Variants in BCAT2 observed in about 807,000 individuals in gnomAD.
BCAT2 encodes the protein branched chain amino acid transaminase 2.
In BCAT2, 44 loss-of-function variants were observed where a neutral mutation model predicts 52.9. The observed-to-expected ratio is 0.83, with a 90% CI of 0.65 to 1.07. The LOEUF is 1.07. BCAT2 is among the 50% of genes least tolerant of loss of function. The probability of loss-of-function intolerance (pLI) is 0.00; values close to 1 mark genes in which losing one functional copy is unlikely to be tolerated. For missense variants in BCAT2, 478 were observed against 521.8 expected (o/e 0.92, Z 0.82); for synonymous variants, 215 against 217.1 (o/e 0.99, Z 0.08).
chr19:48,796,860 T>C, intron 8 of BCAT2, 77 bp downstream of exon 8: 1 of 1,597,542 alleles, frequency 6.3e-7, no homozygotes, highest in East Asian at 2.2e-5. Flanking sequence ...GACATGCCAG[T>C]GTGCCCCAGT....
intron 3 of BCAT2, among the ~76,000 whole-genome samples, chr19:48,803,941 C>G (rs994720140): frequency 5.9e-5 from 9 of 152,164 alleles, no homozygotes; most frequent in African/African-American, 1.7e-4. Flanking sequence ...GGTGGATCAT[C>G]TGAGGTCGGG....
Position 48,806,999 on chromosome 19 carries a change from C to T in BCAT2, c.99+1G>A. ...CCAAGCATCGAGTTCCCTCCTTTCA[C>T]CTTGAAACTGGAGGAGGCATATCTT... is the stretch of plus-strand genomic sequence containing the variant. On this transcript the variant is annotated splice_donor_variant, in intron 2 of 10. Transcript: ENST00000316273. LOFTEE classifies it high-confidence loss of function. 6.2e-7 allele frequency: 1 copy of T among 1,613,774 alleles called. No individual in the cohort carries two copies. Among genetic ancestry groups the T allele is most frequent in the Non-Finnish European group, 8.5e-7 (1 of 1,179,716 alleles).
chr19:48,806,456 G>C, intron 3 of BCAT2, 61 bp downstream of exon 3: 1 of 1,585,162 alleles, frequency 6.3e-7, no homozygotes, highest in Middle Eastern at 2.1e-4. Flanking sequence ...CCTGGCAAGA[G>C]ACACAGCAAG....
At chr19:48,798,011 G>A (rs1487250820) in intron 6 of BCAT2, among the ~76,000 whole-genome samples, 1 of 151,632 alleles carries the variant, frequency 6.6e-6, no homozygotes, top group African/African-American at 2.4e-5. Flanking sequence ...ATATTTATAT[G>A]CCCGCCTCAG....
chr19:48,806,814 G>T, intron 2 of BCAT2, 97 bp from the exon 3 acceptor site: 1 of 1,478,550 alleles, frequency 6.8e-7, no homozygotes, highest in East Asian at 2.3e-5. Context: ...CCATAGAGAA[G>T]AAGGACCTGT....
intron 10 of BCAT2, 106 bp from the exon 11 acceptor site, chr19:48,795,570 T>C: frequency 1.5e-6 from 2 of 1,333,026 alleles, no homozygotes; most frequent in East Asian, 5.0e-5. Flanking sequence ...CCCCAGCGGC[T>C]CACGGGAAAT....
chr19:48,809,183 T>C (rs1187895747), intron 1 of BCAT2, among the ~76,000 whole-genome samples: 4 of 149,830 alleles, frequency 2.7e-5, no homozygotes, highest in Non-Finnish European at 4.4e-5. Flanking sequence ...CCACAGTCAC[T>C]TGAACCCATG....
intron 1 of BCAT2, chr19:48,810,692 C>A: frequency 1.0e-6 from 1 of 988,540 alleles, no homozygotes; most frequent in Non-Finnish European, 1.3e-6. Context: ...ACAACCTCCC[C>A]ACCCCCACGC....
Position 48,810,984 on chromosome 19 carries a change from C to G in BCAT2, c.24G>C (p.Gln8His). 6.2e-7 allele frequency: 1 copy of G among 1,608,652 alleles called. No homozygotes were observed. The highest frequency in any genetic ancestry group is 8.5e-7 in the Non-Finnish European group (1 of 1,178,290). Reference sequence around the variant, plus strand: ...CCCCGGCGCGGGGCTGCGAACCCACCTGCCCCAGAGCGGCTGCGGCCATGA... The same window carrying G: ...CCCCGGCGCGGGGCTGCGAACCCACGTGCCCCAGAGCGGCTGCGGCCATGA... MAAAALG[Q>H]IWARKLLSVP... The change falls in exon 1 of 11, where the codon CAG (glutamine) becomes CAC (histidine). Residue 8 changes from glutamine to histidine, a missense_variant and splice_region_variant. Coordinates refer to ENST00000316273, the MANE Select transcript of BCAT2 (RefSeq NM_001190.4).
rs2034530988 is a variant in BCAT2, at chr19:48,796,717, C to T, written c.926G>A (p.Gly309Asp). The T allele has an allele frequency of 1.9e-6, 3 of 1,609,984 alleles. No homozygotes were observed. The highest frequency in any genetic ancestry group is 2.5e-6 in the Non-Finnish European group (3 of 1,178,582). ...CGTGCGCTCCACCACCCGGAACTCA[C>T]CCTGCAGGGCAGTTGGCAGAGACAC... ...QSLLDMAQTW[G>D]EFRVVERTIT... Residue 309 changes from glycine to aspartate, a missense_variant and splice_region_variant, in exon 9 of 11, where the codon GGT becomes GAT. Gly to Asp is a moderately conservative substitution (Grantham distance 94). Transcript: ENST00000316273.
In BCAT2 at chr19:48,796,969, T is replaced by G. The variant is rs2034537646; in HGVS notation, c.892A>C (p.Arg298=). 15 of 1,614,192 alleles carry G rather than the reference T, an allele frequency of 9.3e-6. No homozygotes were observed. Among genetic ancestry groups the G allele is most frequent in the Non-Finnish European group, 1.3e-5 (15 of 1,180,028 alleles). ...LNGVILPGVV[R]QSLLDMAQTW... is the part of the protein sequence containing the mutation. Reference sequence around the variant, plus strand: ...TGAGCCATGTCCAGTAGACTCTGTCTGACCACTCCAGGCAGGATAACACCA... The same window carrying G: ...TGAGCCATGTCCAGTAGACTCTGTCGGACCACTCCAGGCAGGATAACACCA... Residue 298 remains arginine (R), a synonymous_variant, in exon 8 of 11, where the codon AGA becomes CGA. Coordinates refer to ENST00000316273, the MANE Select transcript of BCAT2 (RefSeq NM_001190.4).
intron 2 of BCAT2, 43 bp downstream of exon 2, chr19:48,806,957 C>T (rs761511767): frequency 4.5e-5 from 72 of 1,599,010 alleles, no homozygotes; most frequent in Non-Finnish European, 5.0e-5. Context: ...AGCTGCCAGC[C>T]CCCTCCTCTC....
At chr19:48,803,364 A>T (rs114670197) in intron 3 of BCAT2, among the ~76,000 whole-genome samples, 2,560 of 151,798 alleles carry the variant, frequency 0.017, 74 homozygotes, top group African/African-American at 0.058. Flanking sequence ...AAAAAAAAAT[A>T]AAATAAAATA....
chr19:48,796,369 G>A, intron 10 of BCAT2, 59 bp downstream of exon 10: 1 of 1,603,154 alleles, frequency 6.2e-7, no homozygotes, highest in Non-Finnish European at 8.5e-7. Context: ...GGGCTCATGG[G>A]ACACCAACTT....
chr19:48,808,107 GCT>G (rs2034834005), intron 1 of BCAT2: 18 of 987,136 alleles, frequency 1.8e-5, no homozygotes, highest in Non-Finnish European at 1.9e-5. Flanking sequence ...TAGGTGAGTT[GCT>G]GGGAGATGGG....
intron 1 of BCAT2, among the ~76,000 whole-genome samples, chr19:48,808,708 TG>T (rs2034850300): frequency 6.6e-6 from 1 of 151,952 alleles, no homozygotes; most frequent in Non-Finnish European, 1.5e-5. Flanking sequence ...TGAGCCGAGA[TG>T]GTGCCACTGC....
chr19:48,802,583 G>A (rs919892446), intron 3 of BCAT2, among the ~76,000 whole-genome samples: 1 of 151,426 alleles, frequency 6.6e-6, no homozygotes, highest in Non-Finnish European at 1.5e-5. Context: ...GAGTACCTGG[G>A]ATTACAGGCA....
Position 48,799,218 on chromosome 19 carries a change from G to A in BCAT2, c.695+457C>T, listed in dbSNP as rs924028827. On this transcript the variant is annotated intron_variant, in intron 6 of 10. Transcript: ENST00000316273. The surrounding 1 kb of genome is among the most constrained non-coding windows in gnomAD (Gnocchi z 5.5). Reference sequence around the variant, plus strand: ...CAGGAGACCCAGCTGTCTCCTTCCTGCCCTGCTGAGCTGAGGCCACTGGGA... The same window carrying A: ...CAGGAGACCCAGCTGTCTCCTTCCTACCCTGCTGAGCTGAGGCCACTGGGA... 5 of 155,392 alleles carry A rather than the reference G, an allele frequency of 3.2e-5. No individual in the cohort carries two copies. Among genetic ancestry groups the A allele is most frequent in the African/African-American group, 1.2e-4 (5 of 41,588 alleles). 9.6% of individuals were successfully genotyped at this position (155,392 alleles called of 1,614,324 possible).
intron 3 of BCAT2, 91 bp from the exon 4 acceptor site, chr19:48,800,388 C>T: frequency 1.7e-6 from 2 of 1,176,090 alleles, no homozygotes; most frequent in East Asian, 2.5e-5. Context: ...CACAAAGACA[C>T]AGACAACTGA....
Sources: allele counts gnomAD v4.1 joint callset (sites outside exome capture counted in the v4.1 genomes callset), GRCh38; gene constraint gnomAD v4.1.1; non-coding constraint Gnocchi (gnomAD v3.1); transcripts MANE v1.5; gene names NCBI Gene and HGNC (gene_info 2026-07-23, HGNC 2026-07-21).